IQSEC1: variants seen among roughly 807,000 people sequenced by gnomAD.
The protein encoded by IQSEC1 is IQ motif and Sec7 domain ArfGEF 1.
In IQSEC1, 31 loss-of-function variants were observed where a neutral mutation model predicts 91.0. The observed-to-expected ratio is 0.34, with a 90% confidence interval of 0.26 to 0.46. IQSEC1 has a LOEUF of 0.46. Ranked by LOEUF, IQSEC1 falls within the 20% of genes least tolerant of loss-of-function variation. The pLI is 1.00. For synonymous variants in IQSEC1, 699 were observed against 662.6 expected (o/e 1.05, Z -0.84); for missense variants, 1,388 against 1,575.6 (o/e 0.88, Z 2.02).
At chr3:12,987,488 T>C (rs1403080853) in intron 1 of IQSEC1, among the ~76,000 whole-genome samples, 1 of 152,164 alleles carries the variant, frequency 6.6e-6, no homozygotes, top group African/African-American at 2.4e-5. Flanking sequence ...TCCAGGTGGA[T>C]TAAAGACCTA....
chr3:13,105,333 G>T (rs930634524), intron 2 of IQSEC1, among the ~76,000 whole-genome samples: 1 of 152,134 alleles, frequency 6.6e-6, no homozygotes, highest in African/African-American at 2.4e-5. Flanking sequence ...GCAGAGCGAG[G>T]CCTGGAGTCC....
intron 12 of IQSEC1, among the ~76,000 whole-genome samples, chr3:12,904,683 C>G (rs1334899824): frequency 6.6e-6 from 1 of 152,186 alleles, no homozygotes; most frequent in Non-Finnish European, 1.5e-5. Context: ...GCCAATGTCT[C>G]TAGGTTTTCA....
chr3:12,899,325 T>G lies in IQSEC1; in HGVS notation c.*1658A>C. Reference sequence around the variant, plus strand: ...GCGGCCCGCAGAGTCAGGCGTGAGCTTCGCCCTTTCTGAAAGGGCCTCCGC... The same window carrying G: ...GCGGCCCGCAGAGTCAGGCGTGAGCGTCGCCCTTTCTGAAAGGGCCTCCGC... On this transcript the variant is annotated 3_prime_UTR_variant, in exon 14 of 14. Transcript: ENST00000613206. 6.4e-7 allele frequency: 1 copy of G among 1,571,654 alleles called. No individual in the cohort carries two copies. The highest frequency in any genetic ancestry group is 8.7e-7 in the Non-Finnish European group (1 of 1,148,952).
chr3:13,124,355 G>A (rs1706476357), intron 2 of IQSEC1, among the ~76,000 whole-genome samples: 1 of 152,168 alleles, frequency 6.6e-6, no homozygotes, highest in African/African-American at 2.4e-5. Flanking sequence ...GAGGACTCTA[G>A]AATGTTAACC....
chr3:13,115,605 G>C (rs1706322154), intron 2 of IQSEC1, among the ~76,000 whole-genome samples: 1 of 152,236 alleles, frequency 6.6e-6, no homozygotes, highest in Non-Finnish European at 1.5e-5. Context: ...TCACTGCAGA[G>C]TCACTCGAGA....
intron 1 of IQSEC1, among the ~76,000 whole-genome samples, chr3:13,024,334 C>T (rs536821608): frequency 1.6e-3 from 245 of 152,206 alleles, no homozygotes; most frequent in Non-Finnish European, 2.6e-3. Context: ...CCCATCCATC[C>T]ATCTGTTCCC....
intron 1 of IQSEC1, among the ~76,000 whole-genome samples, chr3:13,257,188 A>G (rs989402008): frequency 1.2e-4 from 19 of 152,162 alleles, no homozygotes; most frequent in Non-Finnish European, 1.6e-4. Flanking sequence ...TGGCACAGAG[A>G]CACACCTCAC....
At chr3:13,230,153 AG>A (rs1349802110) in intron 1 of IQSEC1, among the ~76,000 whole-genome samples, 3 of 152,256 alleles carry the variant, frequency 2.0e-5, no homozygotes, top group Admixed American at 1.3e-4. Flanking sequence ...TAAAGAACAG[AG>A]GGTCCCAGGA....
chr3:13,164,038 T>C (rs150791528), intron 2 of IQSEC1, among the ~76,000 whole-genome samples: 2 of 152,140 alleles, frequency 1.3e-5, no homozygotes, highest in Non-Finnish European at 2.9e-5. Flanking sequence ...TCAAAGCACA[T>C]GGTTTCATCA....
chr3:13,057,492 T>C (rs1446928030), intron 1 of IQSEC1, among the ~76,000 whole-genome samples: 1 of 152,128 alleles, frequency 6.6e-6, no homozygotes, highest in Non-Finnish European at 1.5e-5. Flanking sequence ...CTTAGCACCA[T>C]ACACATGCAG....
chr3:13,144,405 G>GAGTGC (rs1272595605), intron 2 of IQSEC1, among the ~76,000 whole-genome samples: 2 of 152,190 alleles, frequency 1.3e-5, no homozygotes, highest in Non-Finnish European at 2.9e-5. Flanking sequence ...GAGGCAGGGA[G>GAGTGC]AGTGCGGCTT....
chr3:13,234,928 G>A (rs1027194886), intron 1 of IQSEC1, among the ~76,000 whole-genome samples: 5 of 152,112 alleles, frequency 3.3e-5, no homozygotes, highest in African/African-American at 7.2e-5. Context: ...TGAGTTTGCC[G>A]GCAGTCAGCC....
intron 1 of IQSEC1, among the ~76,000 whole-genome samples, chr3:13,061,827 C>T (rs1705078134): frequency 6.6e-6 from 1 of 152,116 alleles, no homozygotes; most frequent in Admixed American, 6.5e-5. Context: ...ATTTGAATTC[C>T]CCTAATTCCC....
intron 1 of IQSEC1, among the ~76,000 whole-genome samples, chr3:13,023,256 C>A (rs565882278): frequency 7.9e-5 from 12 of 152,218 alleles, no homozygotes; most frequent in Non-Finnish European, 1.5e-4. Flanking sequence ...GGTCTGGGCC[C>A]AGGCTGGGTC....
At chr3:13,031,442 G>C (rs1286921352) in intron 1 of IQSEC1, among the ~76,000 whole-genome samples, 1 of 152,210 alleles carries the variant, frequency 6.6e-6, no homozygotes, top group Non-Finnish European at 1.5e-5. Flanking sequence ...ATAGGGCTGG[G>C]TACAGATGAG....
intron 12 of IQSEC1, among the ~76,000 whole-genome samples, chr3:12,905,224 C>A (rs1694843463): frequency 6.6e-6 from 1 of 152,238 alleles, no homozygotes; most frequent in African/African-American, 2.4e-5. Flanking sequence ...CTGGGCAGAG[C>A]CTGGAGGGAC....
intron 1 of IQSEC1, among the ~76,000 whole-genome samples, chr3:13,055,530 C>T (rs751334593): frequency 1.3e-5 from 2 of 152,188 alleles, no homozygotes; most frequent in African/African-American, 4.8e-5. Flanking sequence ...GATGTGAAAA[C>T]GGAGGCACCT....
intron 2 of IQSEC1, among the ~76,000 whole-genome samples, chr3:13,080,772 C>A (rs934176351): frequency 6.6e-6 from 1 of 152,200 alleles, no homozygotes; most frequent in Non-Finnish European, 1.5e-5. Flanking sequence ...CAGCCCCCGC[C>A]CTGCCGCTGT....
chr3:13,205,057 C>G (rs1288073056), intron 1 of IQSEC1, among the ~76,000 whole-genome samples: 1 of 151,890 alleles, frequency 6.6e-6, no homozygotes, highest in African/African-American at 2.4e-5. Context: ...CTCGACCTCC[C>G]AAAGTGCTGG....
Sources: gnomAD v4.1 joint callset for allele counts (sites outside exome capture counted in the v4.1 genomes callset) on GRCh38, gnomAD v4.1.1 for gene constraint, MANE v1.5 for transcripts, NCBI Gene and HGNC (gene_info 2026-07-23, HGNC 2026-07-21) for gene names.